The following PAIP2B variants were observed in gnomAD, a reference collection of about 807,000 sequenced individuals.
PAIP2B encodes poly(A) binding protein interacting protein 2B, also known as polyadenylate-binding protein-interacting protein 2B.
In PAIP2B, 13 loss-of-function variants were observed where a neutral mutation model predicts 17.0. That is an observed-to-expected ratio of 0.76 (90% CI 0.50 to 1.22). The LOEUF is 1.22. Ranked by LOEUF, PAIP2B falls within the 50% of genes most tolerant of loss-of-function variation. PAIP2B has a pLI of 0.00. For synonymous variants in PAIP2B, 43 were observed against 48.7 expected (o/e 0.88, Z 0.48); for missense variants, 117 against 144.5 (o/e 0.81, Z 0.98).
At chr2:71,226,334 G>A (rs1675724572) in intron 1 of PAIP2B, among the ~76,000 whole-genome samples, 1 of 152,222 alleles carries the variant, frequency 6.6e-6, no homozygotes, top group East Asian at 1.9e-4. Context: ...TTGGTAGGGG[G>A]TGATGGGCTC....
chr2:71,212,925 T>TG (rs909490233), intron 1 of PAIP2B, among the ~76,000 whole-genome samples: 1 of 144,486 alleles, frequency 6.9e-6, no homozygotes, highest in Non-Finnish European at 1.5e-5. Flanking sequence ...GGCTAAATTT[T>TG]TTTTTTTTTT....
intron 1 of PAIP2B, among the ~76,000 whole-genome samples, chr2:71,215,613 C>T (rs1675410481): frequency 6.6e-6 from 1 of 152,210 alleles, no homozygotes; most frequent in Non-Finnish European, 1.5e-5. Context: ...GCTGAACCAG[C>T]TGGTCAACTG....
chr2:71,192,008 T>C (rs1380216092), intron 2 of PAIP2B, among the ~76,000 whole-genome samples: 1 of 152,198 alleles, frequency 6.6e-6, no homozygotes, highest in East Asian at 1.9e-4. Context: ...CATGCTGACC[T>C]GTCTGCATAT....
At chr2:71,208,440 A>G (rs1006568270) in intron 1 of PAIP2B, among the ~76,000 whole-genome samples, 3 of 151,836 alleles carry the variant, frequency 2.0e-5, no homozygotes, top group Non-Finnish European at 1.5e-5. Flanking sequence ...CAAAAAAAAA[A>G]GTCAAGTAGA....
intron 2 of PAIP2B, among the ~76,000 whole-genome samples, chr2:71,198,548 G>A (rs1197456539): frequency 6.6e-6 from 1 of 152,034 alleles, no homozygotes; most frequent in African/African-American, 2.4e-5. Flanking sequence ...GCCTCCCAAA[G>A]TGCTGGGATT....
chr2:71,196,793 T>G (rs1426560313), intron 2 of PAIP2B, among the ~76,000 whole-genome samples: 1 of 152,168 alleles, frequency 6.6e-6, no homozygotes, highest in Admixed American at 6.5e-5. Flanking sequence ...TTTTTTATCT[T>G]TGTTGGTTTA....
In PAIP2B at chr2:71,192,839, T is replaced by C. The variant is rs138999364; in HGVS notation, c.139-2818A>G. Among the ~76,000 whole-genome samples the C allele has an allele frequency of 1.3e-3, 196 of 152,342 alleles. 4 individuals carry two copies. The highest frequency in any genetic ancestry group is 3.5e-4 in the Non-Finnish European group (24 of 68,020). ...ACATTTTCTTTATCCAGTCTGTCAC[T>C]GATAAATGGGCATTTAGTTGATTCC... On this transcript the variant is annotated intron_variant, in intron 2 of 3. Coordinates refer to ENST00000244221, the MANE Select transcript of PAIP2B (RefSeq NM_020459.1).
intron 2 of PAIP2B, among the ~76,000 whole-genome samples, chr2:71,190,403 G>A (rs1674659139): frequency 1.3e-5 from 2 of 152,078 alleles, no homozygotes; most frequent in Admixed American, 6.6e-5. Context: ...CAGTCTGGGC[G>A]ACAGAATGAG....
chr2:71,218,388 C>T (rs1675487204), intron 1 of PAIP2B, among the ~76,000 whole-genome samples: 2 of 151,542 alleles, frequency 1.3e-5, no homozygotes. Flanking sequence ...GCACTTCCCA[C>T]AAGAATAAAA....
Position 71,186,405 on chromosome 2 carries a change from G to C in PAIP2B, c.*2074C>G, listed in dbSNP as rs1674541129. 1 of 152,222 alleles carries C rather than the reference G, an allele frequency of 6.6e-6. No individual in the cohort carries two copies. The allele number at this position is 152,222 out of a possible 1,614,324, so 9.4% of individuals were successfully genotyped here. A position where few individuals can be genotyped will look rare whatever the true frequency, so the allele number is the denominator to read the frequency against. On this transcript the variant is annotated 3_prime_UTR_variant, in exon 4 of 4. Coordinates refer to ENST00000244221, the MANE Select transcript of PAIP2B (RefSeq NM_020459.1). ...TGTCTGAAGAAGACTAGAAATGCCA[G>C]CCCTCAGTGTCCATGCTAAACTGGC...
intron 2 of PAIP2B, among the ~76,000 whole-genome samples, chr2:71,193,962 C>A (rs1418980300): frequency 6.6e-6 from 1 of 152,142 alleles, no homozygotes; most frequent in Admixed American, 6.5e-5. Flanking sequence ...ATCCCAGCAC[C>A]ATTTATTAAA....
chr2:71,210,108 A>G (rs1675257388), intron 1 of PAIP2B, among the ~76,000 whole-genome samples: 1 of 152,222 alleles, frequency 6.6e-6, no homozygotes. Context: ...TACAGGCATG[A>G]GCCACCACTC....
Position 71,187,023 on chromosome 2 carries a change from A to G in PAIP2B, c.*1456T>C, listed in dbSNP as rs1001153848. The G allele has an allele frequency of 6.6e-6, 1 of 152,204 alleles. No individual in the cohort carries two copies. Among genetic ancestry groups the G allele is most frequent in the South Asian group, 2.1e-4 (1 of 4,830 alleles). 9.4% of individuals were successfully genotyped at this position (152,204 alleles called of 1,614,324 possible). A position where few individuals can be genotyped will look rare whatever the true frequency, so the allele number is the denominator to read the frequency against. On this transcript the variant is annotated 3_prime_UTR_variant, in exon 4 of 4. Coordinates refer to ENST00000244221, the MANE Select transcript of PAIP2B (RefSeq NM_020459.1). ...TTATACCAACTTTGTTTCAAGTTAC[A>G]TATCTTTTCCCTATTAGGCCTATCA...
At chr2:71,194,459 TTGTGTG>T (rs141924993) in intron 2 of PAIP2B, among the ~76,000 whole-genome samples, 111 of 143,476 alleles carry the variant, frequency 7.7e-4, no homozygotes, top group African/African-American at 1.4e-3. Flanking sequence ...TATTCCTAGG[TTGTGTG>T]TGTGTGTGTG....
intron 1 of PAIP2B, among the ~76,000 whole-genome samples, chr2:71,219,175 C>G (rs187210579): frequency 3.9e-4 from 59 of 151,324 alleles, no homozygotes; most frequent in Admixed American, 3.6e-3. Flanking sequence ...TGTGATCCAC[C>G]CACCTTGGCC....
chr2:71,219,082 ATTTTT>A lies in PAIP2B; in HGVS notation c.-12+7841_-12+7845del, dbSNP rs568552077. Among the ~76,000 whole-genome samples the A allele has an allele frequency of 1.5e-3, 166 of 113,966 alleles. 3 individuals are homozygous for A. The highest frequency in any genetic ancestry group is 4.7e-3 in the Middle Eastern group (1 of 212). The allele number at this position is 113,966 out of a possible 152,430, so 74.8% of individuals were successfully genotyped here. A position where few individuals can be genotyped will look rare whatever the true frequency, so the allele number is the denominator to read the frequency against. ...AGGTGCCCGCCACCACGCCTAGCTAATTTTTTTTTTTTTTTTTTTTTGTATTTTTA... is the reference window on the plus strand; with the variant it reads ...AGGTGCCCGCCACCACGCCTAGCTAATTTTTTTTTTTTTTTTGTATTTTTA... On this transcript the variant is annotated intron_variant, in intron 1 of 3. Coordinates refer to ENST00000244221, the MANE Select transcript of PAIP2B (RefSeq NM_020459.1).
chr2:71,188,570 G>A (rs1674603464), intron 3 of PAIP2B, 35 bp from the exon 4 acceptor site: 3 of 1,558,486 alleles, frequency 1.9e-6, no homozygotes, highest in South Asian at 2.3e-5. Context: ...AAATCCTAAG[G>A]CAAGCTGCAT....
intron 1 of PAIP2B, among the ~76,000 whole-genome samples, chr2:71,223,967 G>A (rs1675655635): frequency 6.6e-6 from 1 of 152,114 alleles, no homozygotes; most frequent in Non-Finnish European, 1.5e-5. Flanking sequence ...TTGCTTACTT[G>A]CTAAAATGTC....
chr2:71,218,208 A>G (rs1452997030), intron 1 of PAIP2B, among the ~76,000 whole-genome samples: 1 of 152,178 alleles, frequency 6.6e-6, no homozygotes, highest in South Asian at 2.1e-4. Context: ...ATGACAAATT[A>G]CTTACTGGGA....
Sources: gnomAD v4.1 joint callset for allele counts (sites outside exome capture counted in the v4.1 genomes callset) on GRCh38, gnomAD v4.1.1 for gene constraint, MANE v1.5 for transcripts, NCBI Gene and HGNC (gene_info 2026-07-23, HGNC 2026-07-21) for gene names.